POU6F2: variants seen among roughly 807,000 people sequenced by gnomAD.
The protein encoded by POU6F2 is POU class 6 homeobox 2.
Under a neutral mutation model 71.3 loss-of-function variants are expected in POU6F2, and 31 were observed. The ratio of observed to expected loss-of-function variants is 0.43; its 90% CI spans 0.33 to 0.59. The LOEUF is 0.59. Ranked by LOEUF, POU6F2 falls within the 20% of genes least tolerant of loss-of-function variation. POU6F2 has a pLI of 0.04. For missense variants in POU6F2, 783 were observed against 856.8 expected, an observed-to-expected ratio of 0.91 and a Z score of 1.07; for synonymous variants, 347 against 355.7, an observed-to-expected ratio of 0.98 and a Z score of 0.27.
At chr7:39,290,630 T>C (rs1366011204) in intron 4 of POU6F2, among the ~76,000 whole-genome samples, 1 of 152,192 alleles carries the variant, frequency 6.6e-6, no homozygotes, top group African/African-American at 2.4e-5. Flanking sequence ...TGAACGTTTT[T>C]GTTTGTTGTC....
chr7:39,218,153 A>G (rs1016068326), intron 4 of POU6F2, among the ~76,000 whole-genome samples: 2 of 152,186 alleles, frequency 1.3e-5, no homozygotes, highest in South Asian at 4.1e-4. Flanking sequence ...CGAGTTGGCA[A>G]AAGTGAGTAG....
chr7:39,352,443 C>T (rs944313802), intron 5 of POU6F2, among the ~76,000 whole-genome samples: 2 of 152,116 alleles, frequency 1.3e-5, no homozygotes, highest in Non-Finnish European at 2.9e-5. Flanking sequence ...TTTTCGAGAG[C>T]AAAACACAAG....
intron 4 of POU6F2, among the ~76,000 whole-genome samples, chr7:39,266,996 G>A (rs1411087344): frequency 2.6e-5 from 4 of 152,064 alleles, no homozygotes; most frequent in Admixed American, 6.5e-5. Context: ...CTTCCCCTGC[G>A]TAGTGATTTT....
At chr7:39,023,901 G>A (rs116213801) in intron 1 of POU6F2, among the ~76,000 whole-genome samples, 1,615 of 152,098 alleles carry the variant, frequency 0.011, 31 homozygotes, top group African/African-American at 0.036. Context: ...TCCTGTTTAG[G>A]TCAGTGTGAT....
chr7:39,256,890 T>A (rs6462899), intron 4 of POU6F2, among the ~76,000 whole-genome samples: 98,864 of 152,086 alleles, frequency 0.65, 32,554 homozygotes, highest in East Asian at 0.97. Context: ...ACACTTGATG[T>A]TAGCCCATTA....
chr7:39,207,524 C>T lies in POU6F2; in HGVS notation c.502C>T (p.Leu168Phe), dbSNP rs1170441858. The T allele has an allele frequency of 6.2e-7, 1 of 1,613,922 alleles. No homozygotes were observed. The highest frequency in any genetic ancestry group is 8.5e-7 in the Non-Finnish European group (1 of 1,179,894). The change falls in exon 4 of 10, where the codon CTC (leucine) becomes TTC (phenylalanine). Residue 168 changes from leucine to phenylalanine, a missense_variant. Leu to Phe is a conservative substitution (Grantham distance 22, BLOSUM62 0). This residue lies in a region of POU6F2 where 572 missense variants were observed against 572.9 expected (regional missense o/e 1.00). Coordinates refer to ENST00000518318, the MANE Select transcript of POU6F2 (RefSeq NM_001370959.1). ...GQLGGQQGLV[L>F]TLPTANLTNI... ...GCTAGGAGGCCAGCAAGGACTGGTT[C>T]TCACACTGCCAACAGCGAATCTCAC... is the stretch of plus-strand genomic sequence containing the variant.
In POU6F2 at chr7:39,437,993, C is replaced by T. The variant is rs541087893; in HGVS notation, c.1320+4710C>T. 9.2e-5 allele frequency among the ~76,000 whole-genome samples: 14 copies of T among 151,912 alleles called. No homozygotes were observed. The East Asian group carries it at 1.7e-3, about 19-fold the overall frequency. On this transcript the variant is annotated intron_variant, in intron 7 of 9. Transcript: ENST00000518318. ...TAAGTTCTAGGGTACATGTGCACAA[C>T]GTGCAGGTTTGTTCCATATGTATAC...
intron 5 of POU6F2, among the ~76,000 whole-genome samples, chr7:39,382,242 C>G (rs1786843792): frequency 6.6e-6 from 1 of 152,128 alleles, no homozygotes; most frequent in South Asian, 2.1e-4. Flanking sequence ...CCAAGGACAC[C>G]TGAGACCCTG....
chr7:39,237,717 A>ATACG (rs1794698911), intron 4 of POU6F2, among the ~76,000 whole-genome samples: 1 of 152,150 alleles, frequency 6.6e-6, no homozygotes, highest in Admixed American at 6.5e-5. Flanking sequence ...ATACCTGTAA[A>ATACG]TACGACTCAG....
rs371563942 is a variant in POU6F2 at position 39,308,835 on chromosome 7, C to A, written c.599-30807C>A. ...GGAAACATCATCTGACTGCCCATCA[C>A]TAACTCACTTCCTTCCCCCTGCGGG... On this transcript the variant is annotated intron_variant, in intron 4 of 9. Coordinates refer to ENST00000518318, the MANE Select transcript of POU6F2 (RefSeq NM_001370959.1). 3.9e-4 allele frequency among the ~76,000 whole-genome samples: 59 copies of A among 152,298 alleles called. 1 individual carries two copies. The highest frequency in any genetic ancestry group is 1.2e-3 in the African/African-American group (51 of 41,566).
At chr7:39,188,281 G>A (rs910491082) in intron 2 of POU6F2, among the ~76,000 whole-genome samples, 1 of 152,212 alleles carries the variant, frequency 6.6e-6, no homozygotes. Flanking sequence ...GAAAGCACAA[G>A]TCAGTCAGAT....
chr7:39,460,414 C>A lies in POU6F2; in HGVS notation c.1490-133C>A. 2 of 951,056 alleles carry A rather than the reference C, an allele frequency of 2.1e-6. No homozygotes were observed. Among genetic ancestry groups the A allele is most frequent in the Non-Finnish European group, 3.1e-6 (2 of 636,744 alleles). The allele number at this position is 951,056 out of a possible 1,614,324, so 58.9% of individuals were successfully genotyped here. A position where few individuals can be genotyped will look rare whatever the true frequency, so the allele number is the denominator to read the frequency against. ...TGGGTGTCTCACCTGGGAGACAAAG[C>A]GAACATTCTCTGAGGTTGGTTTCCT... On this transcript the variant is annotated intron_variant, in intron 8 of 9. Coordinates refer to ENST00000518318, the MANE Select transcript of POU6F2 (RefSeq NM_001370959.1). The surrounding 1 kb of genome is among the most constrained non-coding windows in gnomAD (Gnocchi z 4.4).
At chr7:39,008,838 T>A (rs1221038704) in intron 1 of POU6F2, among the ~76,000 whole-genome samples, 2 of 150,290 alleles carry the variant, frequency 1.3e-5, no homozygotes, top group African/African-American at 4.9e-5. Flanking sequence ...GTTGTAGATA[T>A]GCGGCGTTAT....
chr7:39,425,715 C>T (rs1202792720), intron 6 of POU6F2, among the ~76,000 whole-genome samples: 2 of 152,220 alleles, frequency 1.3e-5, no homozygotes, highest in Non-Finnish European at 2.9e-5. Flanking sequence ...ATTATCTCTT[C>T]TCTCTTTTCC....
chr7:39,055,955 G>A (rs944397913), intron 1 of POU6F2, among the ~76,000 whole-genome samples: 2 of 151,342 alleles, frequency 1.3e-5, no homozygotes, highest in East Asian at 1.9e-4. Flanking sequence ...TTCTTTTCAT[G>A]TTGAATCTTT....
At chr7:39,410,384 A>G (rs2237400) in intron 6 of POU6F2, among the ~76,000 whole-genome samples, 62,445 of 152,060 alleles carry the variant, frequency 0.41, 13,190 homozygotes, top group East Asian at 0.7. Context: ...TATAGTACCC[A>G]ACTCCACTCT....
At chr7:39,389,996 T>C (rs1053279515) in intron 5 of POU6F2, among the ~76,000 whole-genome samples, 11 of 152,252 alleles carry the variant, frequency 7.2e-5, no homozygotes, top group Non-Finnish European at 8.8e-5. Context: ...TCCATTGCAT[T>C]CCATTCCATT....
chr7:39,196,771 A>AT (rs1160229380), intron 2 of POU6F2, among the ~76,000 whole-genome samples: 1 of 152,176 alleles, frequency 6.6e-6, no homozygotes, highest in Non-Finnish European at 1.5e-5. Flanking sequence ...GAAAAAAAAA[A>AT]AGAAAAAAGA....
chr7:39,263,881 C>T lies in POU6F2; in HGVS notation c.598+56261C>T, dbSNP rs1784190770. Among the ~76,000 whole-genome samples, 3 of 152,220 alleles carry T rather than the reference C, an allele frequency of 2.0e-5. 1 individual carries two copies. Among genetic ancestry groups the T allele is most frequent in the South Asian group, 2.1e-4 (1 of 4,828 alleles). On this transcript the variant is annotated intron_variant, in intron 4 of 9. Coordinates refer to ENST00000518318, the MANE Select transcript of POU6F2 (RefSeq NM_001370959.1). Reference sequence around the variant, plus strand: ...CCAGAGCCTCTAACAGTGCCTGGCACTACAGAGGCAGCCTTTCAATAAGTG... The same window carrying T: ...CCAGAGCCTCTAACAGTGCCTGGCATTACAGAGGCAGCCTTTCAATAAGTG...
Sources: allele counts gnomAD v4.1 joint callset (sites outside exome capture counted in the v4.1 genomes callset), GRCh38; gene constraint gnomAD v4.1.1; regional missense constraint gnomAD v4.1.1; non-coding constraint Gnocchi (gnomAD v3.1); transcripts MANE v1.5; gene names NCBI Gene and HGNC (gene_info 2026-07-23, HGNC 2026-07-21).